Variants in P3H2 observed in about 807,000 individuals in gnomAD.
P3H2 encodes the protein leprecan-like 1.
In P3H2, 80 loss-of-function variants were observed where a neutral mutation model predicts 87.0. That is an observed-to-expected ratio of 0.92 (90% CI 0.77 to 1.11). The LOEUF (loss-of-function observed/expected upper bound fraction) is 1.11. P3H2 is among the 50% of genes least tolerant of loss of function. The pLI is 0.00. For missense variants in P3H2, 1,001 were observed against 923.9 expected (o/e 1.08, Z -1.08); for synonymous variants, 367 against 359.3 (o/e 1.02, Z -0.24).
chr3:190,016,588 T>A (rs1399677302), intron 1 of P3H2, among the ~76,000 whole-genome samples: 1 of 152,216 alleles, frequency 6.6e-6, no homozygotes, highest in Non-Finnish European at 1.5e-5. Flanking sequence ...GTGAAATGAA[T>A]GCCAATTGTG....
intron 1 of P3H2, among the ~76,000 whole-genome samples, chr3:190,023,019 T>G (rs201208772): frequency 7.8e-4 from 118 of 151,930 alleles, no homozygotes; most frequent in Admixed American, 1.0e-3. Context: ...GTAGAGACGG[T>G]GTTTCACCGT....
intron 8 of P3H2, among the ~76,000 whole-genome samples, chr3:189,981,444 A>T (rs900106185): frequency 3.9e-5 from 6 of 152,240 alleles, no homozygotes; most frequent in African/African-American, 1.2e-4. Context: ...ATCTGGCCAC[A>T]GAAGTATTCT....
intron 1 of P3H2, among the ~76,000 whole-genome samples, chr3:190,066,158 T>TATATATATATACACACAC (rs1256956930): frequency 9.7e-5 from 13 of 134,598 alleles, no homozygotes; most frequent in African/African-American, 4.0e-4. Context: ...TATATATATA[T>TATATATATATACACACAC]ACACACACAC....
chr3:190,000,743 G>C (rs1340790442), intron 1 of P3H2, among the ~76,000 whole-genome samples: 1 of 152,212 alleles, frequency 6.6e-6, no homozygotes, highest in African/African-American at 2.4e-5. Context: ...GCAGAGCAGA[G>C]ATCAAGGAGG....
Position 189,986,814 on chromosome 3 carries a change from C to T in P3H2, c.1162G>A (p.Gly388Ser). ...GGTTCAGTGTATGAAAACCCCAGAC[C>T]TTCTGCAGCTGATTTTATCAGCTCA... The part of the protein sequence containing the change: ...ESELIKSAAE[G>S]LGFSYTEPNY... Residue 388 changes from glycine (G) to serine (S), a missense_variant, in exon 6 of 15, where the codon GGT (glycine) becomes AGT (serine). Physicochemically the swap from Gly to Ser is moderately conservative, Grantham distance 56. Coordinates refer to ENST00000319332, the MANE Select transcript of P3H2 (RefSeq NM_018192.4). 1 of 1,612,200 alleles carries T rather than the reference C, an allele frequency of 6.2e-7. No homozygotes were observed. Among genetic ancestry groups the T allele is most frequent in the African/African-American group, 1.3e-5 (1 of 74,990 alleles).
chr3:190,009,052 G>A (rs941507595), intron 1 of P3H2, among the ~76,000 whole-genome samples: 2 of 152,196 alleles, frequency 1.3e-5, no homozygotes, highest in Non-Finnish European at 2.9e-5. Flanking sequence ...TTGATGGATA[G>A]ATGAGATTTC....
chr3:190,069,775 C>T (rs545522971), intron 1 of P3H2, among the ~76,000 whole-genome samples: 23 of 152,196 alleles, frequency 1.5e-4, no homozygotes, highest in Middle Eastern at 3.4e-3. Flanking sequence ...TGCTAACAGG[C>T]CAAGAAAGCT....
Position 190,088,190 on chromosome 3 carries a change from G to A in P3H2, c.480+32062C>T, listed in dbSNP as rs565378628. ...CATTTTTAAAGGAGTTCTTTCTTAG[G>A]TTCTTAAAATGAACACATCATTTAA... is the stretch of plus-strand genomic sequence containing the variant. On this transcript the variant is annotated intron_variant, in intron 1 of 14. Coordinates refer to ENST00000319332, the MANE Select transcript of P3H2 (RefSeq NM_018192.4). Among the ~76,000 whole-genome samples the A allele has an allele frequency of 3.9e-5, 6 of 152,076 alleles. No individual in the cohort carries two copies. In the South Asian group the frequency reaches 1.2e-3, roughly 32 times the overall value.
intron 14 of P3H2, among the ~76,000 whole-genome samples, chr3:189,962,484 T>A (rs1343712245): frequency 6.6e-6 from 1 of 152,322 alleles, no homozygotes; most frequent in East Asian, 1.9e-4. Context: ...CAGGGCCATT[T>A]TTTCTATGCC....
intron 1 of P3H2, among the ~76,000 whole-genome samples, chr3:190,002,033 T>C (rs751598861): frequency 6.6e-6 from 1 of 152,188 alleles, no homozygotes; most frequent in Non-Finnish European, 1.5e-5. Flanking sequence ...AGTATGGGCT[T>C]ATGAATGAGA....
intron 11 of P3H2, 59 bp downstream of exon 11, chr3:189,972,815 T>C (rs1723214030): frequency 6.3e-7 from 1 of 1,580,036 alleles, no homozygotes; most frequent in Non-Finnish European, 8.7e-7. Flanking sequence ...TTGTTTTGCC[T>C]TGTTTCATTT....
chr3:190,029,352 C>T (rs2108946147), intron 1 of P3H2, among the ~76,000 whole-genome samples: 1 of 152,320 alleles, frequency 6.6e-6, no homozygotes, highest in Middle Eastern at 3.4e-3. Context: ...AGTCACCATA[C>T]TGTTACCCCT....
intron 1 of P3H2, among the ~76,000 whole-genome samples, chr3:190,043,582 A>C (rs1327864837): frequency 1.3e-5 from 2 of 152,196 alleles, no homozygotes; most frequent in Admixed American, 1.3e-4. Context: ...TAACTGGTAA[A>C]CAGGAATTGT....
rs764071623 is a variant in P3H2 at position 189,994,055 on chromosome 3, T to C, written c.823+39A>G. On this transcript the variant is annotated intron_variant, in intron 3 of 14. Coordinates refer to ENST00000319332, the MANE Select transcript of P3H2 (RefSeq NM_018192.4). ...TTACAAATTGCAAGTAGTATTTTTA[T>C]AATCAAGAAAGAAATAAAATGAAAA... 20 of 1,485,294 alleles carry C rather than the reference T, an allele frequency of 1.3e-5. No individual in the cohort carries two copies. The African/African-American group carries it at 2.6e-4, about 20-fold the overall frequency. 92.0% of individuals were successfully genotyped at this position (1,485,294 alleles called of 1,614,324 possible).
At chr3:190,020,547 T>A (rs964857692) in intron 1 of P3H2, among the ~76,000 whole-genome samples, 4 of 134,412 alleles carry the variant, frequency 3.0e-5, no homozygotes, top group African/African-American at 1.0e-4. Context: ...TATGGCTCAA[T>A]AGGCCTGACC....
In P3H2 at chr3:189,969,244, G is replaced by C. The variant is rs146038078; in HGVS notation, c.1893+1572C>G. On this transcript the variant is annotated intron_variant, in intron 13 of 14. Coordinates refer to ENST00000319332, the MANE Select transcript of P3H2 (RefSeq NM_018192.4). ...GGCAATACTCGCATAACAAATTCCA[G>C]CCTCTTTAGTGAGAACCACCTCTGG... 2.2e-5 allele frequency: 17 copies of C among 781,978 alleles called. No homozygotes were observed. The African/African-American group carries it at 2.7e-4, about 12-fold the overall frequency. 48.4% of individuals were successfully genotyped at this position (781,978 alleles called of 1,614,324 possible).
intron 1 of P3H2, 140 bp downstream of exon 1, chr3:190,120,112 C>G (rs1427959513): frequency 8.3e-6 from 8 of 962,946 alleles, no homozygotes; most frequent in Non-Finnish European, 1.6e-6. Context: ...CACCAGATAT[C>G]TGGATTCACA....
In P3H2 at chr3:190,083,744, A is replaced by C. The variant is rs534594574; in HGVS notation, c.480+36508T>G. 5.9e-5 allele frequency among the ~76,000 whole-genome samples: 9 copies of C among 152,248 alleles called. No homozygotes were observed. The South Asian group carries it at 1.5e-3, about 25-fold the overall frequency. ...CAGAGACATTTCAGATTAACATCAA[A>C]CCTTTTTTCTCTCCCTTTTGCCAAC... On this transcript the variant is annotated intron_variant, in intron 1 of 14. Transcript: ENST00000319332.
At chr3:190,002,382 GTTTC>G (rs1319285106) in intron 1 of P3H2, among the ~76,000 whole-genome samples, 6 of 151,070 alleles carry the variant, frequency 4.0e-5, no homozygotes, top group African/African-American at 1.5e-4. Context: ...ATTATGTTGG[GTTTC>G]TTTCTTTCTT....
Sources: gnomAD v4.1 joint callset for allele counts (sites outside exome capture counted in the v4.1 genomes callset) on GRCh38, gnomAD v4.1.1 for gene constraint, MANE v1.5 for transcripts, NCBI Gene and HGNC (gene_info 2026-07-23, HGNC 2026-07-21) for gene names.